Variants in COL24A1 observed in about 807,000 individuals in gnomAD.
COL24A1 encodes collagen type XXIV alpha 1 chain, also known as collagen alpha-1(XXIV) chain.
A neutral mutation model predicts 253.9 loss-of-function variants in COL24A1; 224 were observed. That is an observed-to-expected ratio of 0.88 (90% CI 0.79 to 0.99). The LOEUF (loss-of-function observed/expected upper bound fraction) is 0.99. Among genes scored for constraint, COL24A1 ranks in the 50% least tolerant of loss-of-function variants. The pLI is 0.00. For synonymous variants in COL24A1, 685 were observed against 673.7 expected (o/e 1.02, Z -0.26); for missense variants, 2,131 against 2,068.5 (o/e 1.03, Z -0.59).
chr1:86,055,885 G>A (rs1700626236), intron 10 of COL24A1, among the ~76,000 whole-genome samples: 1 of 152,138 alleles, frequency 6.6e-6, no homozygotes, highest in African/African-American at 2.4e-5. Flanking sequence ...CACTTTGGGA[G>A]GCTGAGGCAG....
chr1:85,953,448 G>A (rs1690125065), intron 24 of COL24A1, among the ~76,000 whole-genome samples: 1 of 152,166 alleles, frequency 6.6e-6, no homozygotes, highest in South Asian at 2.1e-4. Flanking sequence ...TCTTATGAAA[G>A]AGGACTAATG....
At chr1:85,798,594 G>A (rs1671075389) in intron 47 of COL24A1, among the ~76,000 whole-genome samples, 1 of 152,166 alleles carries the variant, frequency 6.6e-6, no homozygotes. Flanking sequence ...AGCCCAGATG[G>A]GTGGCAGGGT....
At chr1:85,935,882 C>A (rs1331562197) in intron 24 of COL24A1, among the ~76,000 whole-genome samples, 1 of 147,468 alleles carries the variant, frequency 6.8e-6, no homozygotes, top group Non-Finnish European at 1.5e-5. Flanking sequence ...TATGACATAT[C>A]TTATTAACCC....
intron 47 of COL24A1, among the ~76,000 whole-genome samples, chr1:85,808,172 G>A (rs1488841809): frequency 6.6e-6 from 1 of 152,070 alleles, no homozygotes; most frequent in African/African-American, 2.4e-5. Flanking sequence ...GTGAAAAACT[G>A]TACATATTAC....
intron 5 of COL24A1, among the ~76,000 whole-genome samples, chr1:86,106,673 T>A (rs1705011200): frequency 6.6e-6 from 1 of 152,110 alleles, no homozygotes; most frequent in African/African-American, 2.4e-5. Flanking sequence ...AATAGATAAA[T>A]ATGATAAATA....
At chr1:86,016,098 C>T (rs1208709083) in intron 19 of COL24A1, among the ~76,000 whole-genome samples, 1 of 151,358 alleles carries the variant, frequency 6.6e-6, no homozygotes, top group Non-Finnish European at 1.5e-5. Flanking sequence ...TGGTCTAGAA[C>T]TCCTGGACTC....
intron 32 of COL24A1, among the ~76,000 whole-genome samples, chr1:85,885,241 C>T (rs1450879928): frequency 2.6e-5 from 4 of 151,826 alleles, no homozygotes; most frequent in Non-Finnish European, 4.4e-5. Flanking sequence ...TGTTCCGTCA[C>T]CCAGGCTGGA....
intron 53 of COL24A1, among the ~76,000 whole-genome samples, chr1:85,763,048 C>T (rs1361287616): frequency 6.6e-6 from 1 of 152,126 alleles, no homozygotes; most frequent in African/African-American, 2.4e-5. Flanking sequence ...AACAATATAA[C>T]ATTTTATTAG....
intron 14 of COL24A1, among the ~76,000 whole-genome samples, chr1:86,024,321 C>T (rs571199258): frequency 5.9e-5 from 9 of 152,184 alleles, no homozygotes; most frequent in South Asian, 2.1e-4. Context: ...AGCGGAAACA[C>T]GTTTCATTCA....
chr1:86,032,482 T>C (rs1358096979), intron 13 of COL24A1, among the ~76,000 whole-genome samples: 1 of 152,176 alleles, frequency 6.6e-6, no homozygotes, highest in Non-Finnish European at 1.5e-5. Context: ...GTTAAATTAT[T>C]TATATAAGTA....
chr1:85,851,888 G>C (rs1677809564), intron 37 of COL24A1, among the ~76,000 whole-genome samples: 1 of 151,998 alleles, frequency 6.6e-6, no homozygotes. Flanking sequence ...TTACGACTTT[G>C]GACTAACACA....
intron 3 of COL24A1, 75 bp from the exon 4 acceptor site, chr1:86,115,453 C>T: frequency 7.1e-7 from 1 of 1,409,966 alleles, no homozygotes; most frequent in Non-Finnish European, 9.9e-7. Context: ...AATAAGATTT[C>T]CACCCAAAGA....
At chr1:86,092,602 C>T (rs1328880034) in intron 5 of COL24A1, among the ~76,000 whole-genome samples, 1 of 151,600 alleles carries the variant, frequency 6.6e-6, no homozygotes, top group Non-Finnish European at 1.5e-5. Context: ...CTTGAAGGAC[C>T]TAGGTAGATT....
At chr1:86,082,231 T>C (rs149626533) in intron 7 of COL24A1, among the ~76,000 whole-genome samples, 19 of 152,324 alleles carry the variant, frequency 1.2e-4, no homozygotes, top group African/African-American at 4.3e-4. Flanking sequence ...TACATAATAA[T>C]ATACTCTACA....
chr1:85,737,716 A>T (rs1001846307), intron 57 of COL24A1, among the ~76,000 whole-genome samples: 2 of 152,072 alleles, frequency 1.3e-5, no homozygotes, highest in Non-Finnish European at 2.9e-5. Context: ...GGAATGGGCC[A>T]CCACACCCGG....
intron 5 of COL24A1, 65 bp from the exon 6 acceptor site, chr1:86,092,385 C>T (rs551424497): frequency 8.4e-7 from 1 of 1,187,846 alleles, no homozygotes; most frequent in Admixed American, 1.9e-5. Flanking sequence ...CATATATCTT[C>T]AGGTATTTAT....
chr1:85,809,747 A>G (rs1171475016), intron 47 of COL24A1, among the ~76,000 whole-genome samples: 1 of 148,800 alleles, frequency 6.7e-6, no homozygotes, highest in Non-Finnish European at 1.5e-5. Context: ...TTTATTATGG[A>G]GATATATATA....
chr1:85,731,500 C>G (rs973252986), intron 59 of COL24A1, among the ~76,000 whole-genome samples: 1 of 152,086 alleles, frequency 6.6e-6, no homozygotes, highest in Non-Finnish European at 1.5e-5. Flanking sequence ...AAGTCATAAG[C>G]TTGGTATGAT....
chr1:86,056,032 C>A (rs1448278253), intron 10 of COL24A1, among the ~76,000 whole-genome samples: 1 of 151,448 alleles, frequency 6.6e-6, no homozygotes, highest in African/African-American at 2.4e-5. Context: ...GCAGGAGAAT[C>A]ACTTGAACCT....
Sources: gnomAD v4.1 joint callset for allele counts (sites outside exome capture counted in the v4.1 genomes callset) on GRCh38, gnomAD v4.1.1 for gene constraint, MANE v1.5 for transcripts, NCBI Gene and HGNC (gene_info 2026-07-23, HGNC 2026-07-21) for gene names.